The following GRIP2 variants were observed in gnomAD, a reference collection of about 807,000 sequenced individuals.
The protein encoded by GRIP2 is glutamate receptor interacting protein 2.
Under a neutral mutation model 108.3 loss-of-function variants are expected in GRIP2, and 58 were observed. The observed-to-expected ratio is 0.54, with a 90% CI of 0.43 to 0.67. GRIP2 has a LOEUF of 0.67. Among genes scored for constraint, GRIP2 ranks in the 30% least tolerant of loss-of-function variants. The probability of loss-of-function intolerance (pLI) is 0.00; values close to 1 mark genes in which losing one functional copy is unlikely to be tolerated. For missense variants in GRIP2, 1,278 were observed against 1,430.6 expected (o/e 0.89, Z 1.72); for synonymous variants, 586 against 598.2 (o/e 0.98, Z 0.30).
intron 21 of GRIP2, among the ~76,000 whole-genome samples, chr3:14,501,999 A>G (rs1693780102): frequency 6.6e-6 from 1 of 152,184 alleles, no homozygotes; most frequent in Admixed American, 6.5e-5. Flanking sequence ...AGAAAATGGG[A>G]TAAATAGGAA....
upstream of GRIP2, chr3:14,540,451 G>A: frequency 6.4e-7 from 1 of 1,554,774 alleles, no homozygotes; most frequent in South Asian, 1.2e-5. This position sits in a 1 kb window ranked among gnomAD's most constrained non-coding sequence, Gnocchi z 4.1. Context: ...ACTGCAGCGG[G>A]CGGCTCTCTG....
chr3:14,517,726 G>C (rs1265822613), intron 10 of GRIP2, 46 bp downstream of exon 10: 2 of 1,603,510 alleles, frequency 1.2e-6, no homozygotes, highest in Admixed American at 1.7e-5. Flanking sequence ...CCCTCCCTAG[G>C]AAAGGCTACA....
At chr3:14,535,182 A>G (rs1432429792) in intron 1 of GRIP2, among the ~76,000 whole-genome samples, 1 of 152,182 alleles carries the variant, frequency 6.6e-6, no homozygotes, top group African/African-American at 2.4e-5. Context: ...GTGACGGTCC[A>G]GCCCCAGCCA....
intron 1 of GRIP2, among the ~76,000 whole-genome samples, chr3:14,529,793 C>T (rs1448348513): frequency 6.6e-6 from 1 of 152,138 alleles, no homozygotes; most frequent in Non-Finnish European, 1.5e-5. Flanking sequence ...ACTGTTTCCT[C>T]GTGTGGTTGG....
intron 1 of GRIP2, among the ~76,000 whole-genome samples, chr3:14,538,124 G>A (rs1011181141): frequency 2.6e-5 from 4 of 152,170 alleles, no homozygotes; most frequent in African/African-American, 9.7e-5. Flanking sequence ...GCAGAGAAAG[G>A]GCATAGGGCT....
chr3:14,505,156 C>A lies in GRIP2; in HGVS notation c.2573+459G>T, dbSNP rs536513435. 6.6e-6 allele frequency among the ~76,000 whole-genome samples: 1 copy of A among 152,260 alleles called. No homozygotes were observed. Among genetic ancestry groups the A allele is most frequent in the East Asian group, 1.9e-4 (1 of 5,154 alleles). The stretch of plus-strand genomic sequence containing the variant: ...CAAAAGCACCACGATGGGAGGGTGG[C>A]CTGGGCCAGATGAGGAACAGCATTT... On this transcript the variant is annotated intron_variant, in intron 20 of 23. Coordinates refer to ENST00000621039, the MANE Select transcript of GRIP2 (RefSeq NM_001080423.4). The surrounding 1 kb of genome is among the most constrained non-coding windows in gnomAD (Gnocchi z 4.2).
chr3:14,537,646 C>T (rs1265142413), intron 1 of GRIP2, among the ~76,000 whole-genome samples: 1 of 152,228 alleles, frequency 6.6e-6, no homozygotes, highest in Non-Finnish European at 1.5e-5. Flanking sequence ...GGCGAAGGAT[C>T]CCCCATGGCC....
At chr3:14,503,185 A>G (rs1333123198) in intron 21 of GRIP2, among the ~76,000 whole-genome samples, 1 of 151,962 alleles carries the variant, frequency 6.6e-6, no homozygotes, top group Non-Finnish European at 1.5e-5. Context: ...ATACAAAAAT[A>G]CCAAAACTGC....
At position 14,489,166 on chromosome 3, in the gene GRIP2, A is replaced by C. The variant is rs372896141; in HGVS notation, c.*4499T>G. The C allele has an allele frequency of 6.6e-6, 1 of 152,572 alleles. No individual in the cohort carries two copies. The highest frequency in any genetic ancestry group is 1.5e-5 in the Non-Finnish European group (1 of 68,038). The allele number at this position is 152,572 out of a possible 1,614,324, so 9.5% of individuals were successfully genotyped here. On this transcript the variant is annotated 3_prime_UTR_variant, in exon 24 of 24. Coordinates refer to ENST00000621039, the MANE Select transcript of GRIP2 (RefSeq NM_001080423.4). ...TCCTTGGTGTGTAGTTCAGTCTTGC[A>C]GTATACAAGCTTTTGTGTATAAATG...
chr3:14,573,522 A>G, the GRIP2 span: 1 of 1,510,944 alleles, frequency 6.6e-7, no homozygotes, highest in African/African-American at 1.4e-5. Context: ...CATGCAGTGC[A>G]CCTGAGAGCA....
rs553908904 is a variant in GRIP2 at position 14,523,871 on chromosome 3, C to T, written c.404-173G>A. On this transcript the variant is annotated intron_variant, in intron 4 of 23. Coordinates refer to ENST00000621039, the MANE Select transcript of GRIP2 (RefSeq NM_001080423.4). ...GTGAGGCTTAGAGGGATCCTCTCCC[C>T]TAATCCCACTTAGCCCACCACTGAG... 89 of 599,972 alleles carry T rather than the reference C, an allele frequency of 1.5e-4. No individual in the cohort carries two copies. The African/African-American group carries it at 1.5e-3, about 10-fold the overall frequency. 37.2% of individuals were successfully genotyped at this position (599,972 alleles called of 1,614,324 possible). A position where few individuals can be genotyped will look rare whatever the true frequency, so the allele number is the denominator to read the frequency against.
intron 11 of GRIP2, 104 bp downstream of exon 11, chr3:14,516,960 G>T: frequency 8.7e-7 from 1 of 1,151,514 alleles, no homozygotes; most frequent in Non-Finnish European, 1.2e-6. Context: ...TACACCTGGA[G>T]CTCTGCCCAA....
rs1693953951 is a variant in GRIP2, at chr3:14,507,152, C to T, written c.2219-172G>A. ...TTTCACAGATGGGAAAACTGAGGCT[C>T]GGGGAAGCTGAGCAGCATGCCCGAG... is the stretch of plus-strand genomic sequence containing the variant. On this transcript the variant is annotated intron_variant, in intron 18 of 23. Transcript: ENST00000621039. This position sits in a 1 kb window ranked among gnomAD's most constrained non-coding sequence, Gnocchi z 4.6. Among the ~76,000 whole-genome samples the T allele has an allele frequency of 6.6e-6, 1 of 151,174 alleles. No homozygotes were observed. The highest frequency in any genetic ancestry group is 2.0e-4 in the East Asian group (1 of 5,124).
intron 11 of GRIP2, among the ~76,000 whole-genome samples, 160 bp from the exon 12 acceptor site, chr3:14,514,638 C>G (rs536116949): frequency 6.6e-6 from 1 of 152,196 alleles, no homozygotes; most frequent in Non-Finnish European, 1.5e-5. Context: ...CACTCTGAGC[C>G]TTGGCTTCCT....
chr3:14,537,046 C>T (rs1575026915), intron 1 of GRIP2, among the ~76,000 whole-genome samples: 3 of 152,326 alleles, frequency 2.0e-5, no homozygotes, highest in South Asian at 2.1e-4. Context: ...TGACTTGTTC[C>T]TGGTTACACA....
chr3:14,499,134 G>T (rs62233594), intron 21 of GRIP2, among the ~76,000 whole-genome samples: 1 of 152,162 alleles, frequency 6.6e-6, no homozygotes, highest in Non-Finnish European at 1.5e-5. Flanking sequence ...CGTGACCTCC[G>T]CATGAAGGTG....
intron 10 of GRIP2, 51 bp downstream of exon 10, chr3:14,517,721 C>T (rs930721534): frequency 3.7e-6 from 6 of 1,600,542 alleles, no homozygotes; most frequent in African/African-American, 1.3e-5. Flanking sequence ...TCGCCCCCTC[C>T]CTAGGAAAGG....
intron 1 of GRIP2, among the ~76,000 whole-genome samples, chr3:14,553,107 T>C (rs1575036959): frequency 2.3e-4 from 1 of 4,332 alleles, no homozygotes; most frequent in African/African-American, 1.2e-3. Context: ...TTTTCTTTCC[T>C]TTTTTTTTTT....
intron 11 of GRIP2, among the ~76,000 whole-genome samples, chr3:14,515,859 G>A (rs528923724): frequency 6.6e-5 from 10 of 152,036 alleles, no homozygotes; most frequent in African/African-American, 2.2e-4. Flanking sequence ...TCGAACTCCT[G>A]GCCTCAAGTG....
Sources: gnomAD v4.1 joint callset for allele counts (sites outside exome capture counted in the v4.1 genomes callset) on GRCh38, gnomAD v4.1.1 for gene constraint, Gnocchi (gnomAD v3.1) non-coding constraint, MANE v1.5 for transcripts, NCBI Gene and HGNC (gene_info 2026-07-23, HGNC 2026-07-21) for gene names.